The following KALRN variants were observed in gnomAD, a reference collection of about 807,000 sequenced individuals.
KALRN encodes the protein kalirin RhoGEF kinase.
A neutral mutation model predicts 353.7 loss-of-function variants in KALRN; 70 were observed. The observed-to-expected ratio is 0.20, with a 90% CI of 0.16 to 0.24. The LOEUF (loss-of-function observed/expected upper bound fraction) is 0.24, where lower values mean the gene tolerates loss of function less well. Ranked by LOEUF, KALRN falls within the 10% of genes least tolerant of loss-of-function variation. The probability of loss-of-function intolerance (pLI) is 1.00; values close to 1 mark genes in which losing one functional copy is unlikely to be tolerated. For missense variants in KALRN, 2,791 were observed against 3,756.7 expected, an observed-to-expected ratio of 0.74 and a Z score of 6.72; for synonymous variants, 1,391 against 1,434.8, an observed-to-expected ratio of 0.97 and a Z score of 0.69.
intron 14 of KALRN, among the ~76,000 whole-genome samples, chr3:124,418,084 A>G (rs2092599751): frequency 6.6e-6 from 1 of 152,220 alleles, no homozygotes; most frequent in Non-Finnish European, 1.5e-5. Flanking sequence ...GATGTAGGTA[A>G]AAATAATGGA....
intron 21 of KALRN, among the ~76,000 whole-genome samples, chr3:124,449,535 T>G (rs1340456793): frequency 6.6e-6 from 1 of 152,220 alleles, no homozygotes; most frequent in Non-Finnish European, 1.5e-5. Flanking sequence ...GAACTCCATT[T>G]CTTCTAAAAG....
chr3:124,340,822 G>A (rs1004609892), intron 9 of KALRN, among the ~76,000 whole-genome samples: 49 of 152,144 alleles, frequency 3.2e-4, no homozygotes, highest in Non-Finnish European at 5.9e-5. Flanking sequence ...CAGGCATGGT[G>A]ATGCGTACCT....
At chr3:124,548,517 C>T (rs2070011624) in intron 33 of KALRN, among the ~76,000 whole-genome samples, 1 of 152,216 alleles carries the variant, frequency 6.6e-6, no homozygotes, top group South Asian at 2.1e-4. Flanking sequence ...CTGCTCAGCA[C>T]CACTGAGCCA....
intron 48 of KALRN, among the ~76,000 whole-genome samples, chr3:124,673,822 G>T (rs1413258397): frequency 6.6e-6 from 1 of 152,056 alleles, no homozygotes; most frequent in Non-Finnish European, 1.5e-5. Flanking sequence ...GTTGGGTAAG[G>T]GTAGGTCATG....
At chr3:124,105,583 G>A (rs1348220313) in intron 1 of KALRN, among the ~76,000 whole-genome samples, 1 of 152,140 alleles carries the variant, frequency 6.6e-6, no homozygotes, top group African/African-American at 2.4e-5. Context: ...TGGGAATAGA[G>A]GAGAAGGAGA....
chr3:124,511,697 G>A (rs989797394), intron 33 of KALRN, among the ~76,000 whole-genome samples: 1 of 152,180 alleles, frequency 6.6e-6, no homozygotes, highest in African/African-American at 2.4e-5. Flanking sequence ...GTGTTTTCCA[G>A]TACGTGTGTG....
At chr3:124,680,596 A>G (rs796319159) in intron 51 of KALRN, among the ~76,000 whole-genome samples, 3 of 152,340 alleles carry the variant, frequency 2.0e-5, no homozygotes, top group African/African-American at 7.2e-5. Context: ...TCTTATTCTA[A>G]TTTGACCTAA....
chr3:124,595,201 C>T (rs1444854289), intron 34 of KALRN, among the ~76,000 whole-genome samples: 18 of 149,630 alleles, frequency 1.2e-4, no homozygotes, highest in Non-Finnish European at 3.0e-5. Context: ...TTTTTTTTCT[C>T]AGAAATATGA....
At position 124,632,625 on chromosome 3, in the gene KALRN, C is replaced by G. The variant is rs766556706; in HGVS notation, c.5388C>G (p.Arg1796=). 6.2e-7 allele frequency: 1 copy of G among 1,613,972 alleles called. No individual in the cohort carries two copies. The highest frequency in any genetic ancestry group is 8.5e-7 in the Non-Finnish European group (1 of 1,180,018). Residue 1796 remains arginine (R), a synonymous_variant, in exon 35 of 60, where the codon CGC becomes CGG. Coordinates refer to ENST00000682506, the MANE Select transcript of KALRN (RefSeq NM_001388419.1). ...ACATCAAAAAGCAGAAGAAAGTTCG[C>G]GATGGTCGGAAGAGCTTTGACCTGG... ...DGNIKKQKKV[R]DGRKSFDLGS...
intron 1 of KALRN, among the ~76,000 whole-genome samples, chr3:124,051,683 A>T (rs1481273117): frequency 1.3e-5 from 2 of 152,188 alleles, no homozygotes; most frequent in Non-Finnish European, 1.5e-5. Context: ...TTTATACACT[A>T]TACTCAATCC....
chr3:124,324,092 G>C (rs2079626580), intron 6 of KALRN, among the ~76,000 whole-genome samples: 1 of 152,196 alleles, frequency 6.6e-6, no homozygotes, highest in African/African-American at 2.4e-5. Flanking sequence ...CAGCTCAGAG[G>C]TGTGTTTTAT....
chr3:124,304,366 C>T (rs1430322726), intron 6 of KALRN, among the ~76,000 whole-genome samples: 2 of 152,154 alleles, frequency 1.3e-5, no homozygotes, highest in Non-Finnish European at 2.9e-5. Context: ...CACCCTAGTT[C>T]TGGAAAATCA....
intron 6 of KALRN, among the ~76,000 whole-genome samples, chr3:124,303,576 A>G (rs571038246): frequency 1.3e-5 from 2 of 152,370 alleles, no homozygotes; most frequent in East Asian, 3.9e-4. Flanking sequence ...GACTCGCAGG[A>G]GTACATGCAA....
At chr3:124,568,124 G>A (rs80190614) in intron 34 of KALRN, among the ~76,000 whole-genome samples, 12,336 of 152,228 alleles carry the variant, frequency 0.081, 583 homozygotes, top group Middle Eastern at 0.16. Flanking sequence ...TTAATGTCCA[G>A]ATTATATAAA....
intron 4 of KALRN, among the ~76,000 whole-genome samples, chr3:124,265,653 A>G (rs1237924439): frequency 3.3e-5 from 5 of 152,192 alleles, no homozygotes; most frequent in Admixed American, 2.6e-4. Flanking sequence ...AAAGCCAGGT[A>G]AAATTGCAAA....
At chr3:124,177,145 G>T (rs1231834521) in intron 1 of KALRN, among the ~76,000 whole-genome samples, 4 of 152,208 alleles carry the variant, frequency 2.6e-5, no homozygotes, top group Non-Finnish European at 4.4e-5. Context: ...TGGTAATGGG[G>T]TTTCTTTATT....
At position 124,395,264 on chromosome 3, in the gene KALRN, A is replaced by G. The variant is rs1289591044; in HGVS notation, c.2092A>G (p.Asn698Asp). The G allele has an allele frequency of 5.6e-6, 9 of 1,613,334 alleles. No individual in the cohort carries two copies. Among genetic ancestry groups the G allele is most frequent in the Non-Finnish European group, 7.6e-6 (9 of 1,179,914 alleles). The change falls in exon 12 of 60, where the codon AAT (asparagine) becomes GAT (aspartate). Residue 698 changes from asparagine (N) to aspartate (D), a missense_variant. Asn to Asp is a conservative substitution (Grantham distance 23). Coordinates refer to ENST00000682506, the MANE Select transcript of KALRN (RefSeq NM_001388419.1). ...QQTATLDATLNVIKEGEDLIQ... is the reference protein window; with the variant it reads ...QQTATLDATLDVIKEGEDLIQ... ...GACCGCCACTCTAGATGCCACACTC[A>G]ATGTCATCAAGGAAGGCGAAGACCT...
chr3:124,104,349 T>C (rs767486074), intron 1 of KALRN, among the ~76,000 whole-genome samples: 14 of 152,088 alleles, frequency 9.2e-5, no homozygotes, highest in Non-Finnish European at 1.3e-4. Context: ...ATGGGGGAAG[T>C]AGACAATAAC....
At position 124,386,188 on chromosome 3, in the gene KALRN, C is replaced by A. The variant is rs928531538; in HGVS notation, c.1962+1152C>A. 1.4e-4 allele frequency among the ~76,000 whole-genome samples: 21 copies of A among 152,162 alleles called. 1 individual carries two copies. The highest frequency in any genetic ancestry group is 6.5e-5 in the Admixed American group (1 of 15,284). On this transcript the variant is annotated intron_variant, in intron 11 of 59. Transcript: ENST00000682506. ...CTGGATTTGCTTCCTCTCTGCGGGA[C>A]CTGCAGCCACTCTCTGATGAGTGTC...
Sources: allele counts gnomAD v4.1 joint callset (sites outside exome capture counted in the v4.1 genomes callset), GRCh38; gene constraint gnomAD v4.1.1; transcripts MANE v1.5; gene names NCBI Gene and HGNC (gene_info 2026-07-23, HGNC 2026-07-21).